The following KIRREL1 variants were observed in gnomAD, a reference collection of about 807,000 sequenced individuals.
The protein encoded by KIRREL1 is kirre like nephrin family adhesion molecule 1.
In KIRREL1, 25 loss-of-function variants were observed where a neutral mutation model predicts 83.3. That is an observed-to-expected ratio of 0.30 (90% CI 0.22 to 0.42). KIRREL1 has a LOEUF of 0.42. Among genes scored for constraint, KIRREL1 ranks in the 10% least tolerant of loss-of-function variants. The pLI, the probability that KIRREL1 is intolerant of heterozygous loss-of-function variation, is 1.00. For synonymous variants in KIRREL1, 388 were observed against 410.4 expected, an observed-to-expected ratio of 0.95 and a Z score of 0.66; for missense variants, 812 against 1,032.3, an observed-to-expected ratio of 0.79 and a Z score of 2.92.
At chr1:158,019,154 C>T (rs1025697887) in intron 1 of KIRREL1, among the ~76,000 whole-genome samples, 2 of 151,908 alleles carry the variant, frequency 1.3e-5, no homozygotes, top group African/African-American at 2.4e-5. Context: ...GGGCACAAAT[C>T]GAATAAGTCA....
Position 158,086,629 on chromosome 1 carries a change from G to A in KIRREL1, c.544G>A (p.Val182Met), listed in dbSNP as rs1207562323. ...GAAGGATGGGAAGAGGGAGACCACC[G>A]TGAGCCAACTGCTTATTAACCCCAC... ...LLKDGKRETT[V>M]SQLLINPTDL... Residue 182 changes from valine (V) to methionine (M), a missense_variant, in exon 5 of 15, where the codon GTG (valine) becomes ATG (methionine). By Grantham distance (21) the Val-to-Met change is conservative. Transcript: ENST00000359209. The A allele has an allele frequency of 1.3e-5, 20 of 1,551,918 alleles. No homozygotes were observed. The highest frequency in any genetic ancestry group is 1.7e-4 in the Middle Eastern group (1 of 6,020).
intron 1 of KIRREL1, among the ~76,000 whole-genome samples, chr1:158,033,729 C>T (rs772008124): frequency 6.6e-6 from 1 of 152,138 alleles, no homozygotes; most frequent in African/African-American, 2.4e-5. Context: ...ATCTGTAATC[C>T]CAGCACTTTG....
At chr1:157,994,083 C>T (rs1273555962) in intron 1 of KIRREL1, among the ~76,000 whole-genome samples, 4 of 152,208 alleles carry the variant, frequency 2.6e-5, no homozygotes, top group African/African-American at 9.6e-5. Flanking sequence ...GCCGGGGTTC[C>T]GGACGCCTGA....
chr1:158,084,986 C>T (rs1661976257), intron 4 of KIRREL1, among the ~76,000 whole-genome samples: 1 of 152,184 alleles, frequency 6.6e-6, no homozygotes, highest in South Asian at 2.1e-4. Context: ...GGTCACACAG[C>T]TGGCACAGAG....
intron 1 of KIRREL1, among the ~76,000 whole-genome samples, chr1:157,998,725 G>T (rs530070110): frequency 4.6e-5 from 7 of 152,288 alleles, no homozygotes; most frequent in African/African-American, 1.4e-4. Flanking sequence ...GGAGGCTAGG[G>T]TCTTAGATGG....
intron 3 of KIRREL1, among the ~76,000 whole-genome samples, chr1:158,079,237 AG>A (rs1661776730): frequency 6.6e-6 from 1 of 152,162 alleles, no homozygotes; most frequent in Non-Finnish European, 1.5e-5. Flanking sequence ...GGAGCCCCCA[AG>A]ATGGATGGGA....
intron 10 of KIRREL1, among the ~76,000 whole-genome samples, chr1:158,090,582 G>C (rs1005752211): frequency 1.3e-5 from 2 of 152,180 alleles, no homozygotes; most frequent in Admixed American, 6.5e-5. Context: ...AAAGGAGCCA[G>C]TTCTCGGCTG....
chr1:158,077,649 C>T (rs1489012472), intron 2 of KIRREL1, among the ~76,000 whole-genome samples: 5 of 152,202 alleles, frequency 3.3e-5, no homozygotes, highest in East Asian at 3.8e-4. Flanking sequence ...CCCACACACT[C>T]GCTCTCCCTC....
intron 1 of KIRREL1, among the ~76,000 whole-genome samples, chr1:158,039,781 G>C (rs1380922217): frequency 6.6e-6 from 1 of 152,178 alleles, no homozygotes; most frequent in South Asian, 2.1e-4. Context: ...TTTCCAAATG[G>C]CCTAGATGTT....
In KIRREL1 at chr1:158,079,530, A is replaced by G. The variant is rs1303975885; in HGVS notation, c.352+1390A>G. 2.0e-5 allele frequency among the ~76,000 whole-genome samples: 3 copies of G among 152,358 alleles called. No individual in the cohort carries two copies. The East Asian group carries it at 5.8e-4, about 29-fold the overall frequency. Reference sequence around the variant, plus strand: ...GAGACGGTGTTTCACCATGTTGGCCAGGCTGGTCTCGAAATCCTTACCTCA... The same window carrying G: ...GAGACGGTGTTTCACCATGTTGGCCGGGCTGGTCTCGAAATCCTTACCTCA... On this transcript the variant is annotated intron_variant, in intron 3 of 14. Transcript: ENST00000359209.
At position 158,096,739 on chromosome 1, in the gene KIRREL1, C is replaced by A. The variant is rs919395528; in HGVS notation, c.*1619C>A. The A allele has an allele frequency of 6.6e-6, 3 of 456,732 alleles. No individual in the cohort carries two copies. The highest frequency in any genetic ancestry group is 3.3e-4 in the Middle Eastern group (1 of 3,076). The allele number at this position is 456,732 out of a possible 1,614,324, so 28.3% of individuals were successfully genotyped here. ...AAGAGAACAGGCGCTCCAAGGAGAA[C>A]CTGTACCCCTGCCCCAGCCTCGCCT... On this transcript the variant is annotated 3_prime_UTR_variant, in exon 15 of 15. Coordinates refer to ENST00000359209, the MANE Select transcript of KIRREL1 (RefSeq NM_018240.7).
At chr1:158,065,275 C>T (rs530809312) in intron 1 of KIRREL1, among the ~76,000 whole-genome samples, 1 of 152,266 alleles carries the variant, frequency 6.6e-6, no homozygotes, top group African/African-American at 2.4e-5. Flanking sequence ...TGCGGGGACC[C>T]AGGCACCATT....
At chr1:157,995,548 G>A (rs1289351852) in intron 1 of KIRREL1, among the ~76,000 whole-genome samples, 4 of 152,166 alleles carry the variant, frequency 2.6e-5, no homozygotes, top group African/African-American at 9.7e-5. Flanking sequence ...GGTCTATGTT[G>A]GGGGCAAGCT....
chr1:158,094,937 G>A lies in KIRREL1; in HGVS notation c.2091G>A (p.Gly697=), dbSNP rs1662313421. The A allele has an allele frequency of 6.2e-7, 1 of 1,613,790 alleles. No individual in the cohort carries two copies. The highest frequency in any genetic ancestry group is 1.3e-5 in the African/African-American group (1 of 74,854). ...YEKFNSHPFP[G]AAGYPTYRLG... ...AGTTCAACTCCCATCCCTTCCCTGG[G>A]GCAGCTGGGTACCCCACCTACCGAC... Residue 697 remains glycine, a synonymous_variant, in exon 15 of 15, where the codon GGG becomes GGA. Coordinates refer to ENST00000359209, the MANE Select transcript of KIRREL1 (RefSeq NM_018240.7). The surrounding 1 kb of genome is among the most constrained non-coding windows in gnomAD (Gnocchi z 4.6).
chr1:158,089,668 C>T, intron 9 of KIRREL1, 40 bp downstream of exon 9: 6 of 1,613,810 alleles, frequency 3.7e-6, no homozygotes, highest in Non-Finnish European at 4.2e-6. Flanking sequence ...CCTGGGCGGG[C>T]TGGTACTGCA....
intron 1 of KIRREL1, among the ~76,000 whole-genome samples, chr1:158,073,372 C>T (rs182323838): frequency 6.6e-6 from 1 of 152,260 alleles, no homozygotes; most frequent in East Asian, 1.9e-4. Context: ...TTCCAGTTGT[C>T]CCTCTAATTG....
At chr1:158,004,429 C>T (rs1000769938) in intron 1 of KIRREL1, among the ~76,000 whole-genome samples, 2 of 152,102 alleles carry the variant, frequency 1.3e-5, no homozygotes, top group African/African-American at 4.8e-5. Flanking sequence ...CTCTGGGGTT[C>T]AGTGCAGTGG....
In KIRREL1 at chr1:158,088,121, A is replaced by G; in HGVS notation, c.883A>G (p.Ser295Gly). The G allele has an allele frequency of 6.2e-7, 1 of 1,614,212 alleles. No homozygotes were observed. The highest frequency in any genetic ancestry group is 8.5e-7 in the Non-Finnish European group (1 of 1,180,042). The stretch of plus-strand genomic sequence containing the variant: ...TTGTGAGGTTCACAACAAAGTGGGA[A>G]GCACCAATGTCAGCACTTTAGTAAA... ...VSCEVHNKVGSTNVSTLVNVH... is the reference protein window; with the variant it reads ...VSCEVHNKVGGTNVSTLVNVH... Residue 295 changes from serine (S) to glycine (G), a missense_variant, in exon 7 of 15, where the codon AGC (serine) becomes GGC (glycine). By Grantham distance (56) the Ser-to-Gly change is moderately conservative. Coordinates refer to ENST00000359209, the MANE Select transcript of KIRREL1 (RefSeq NM_018240.7).
At chr1:158,082,665 A>G (rs1661897820) in intron 3 of KIRREL1, among the ~76,000 whole-genome samples, 1 of 152,144 alleles carries the variant, frequency 6.6e-6, no homozygotes, top group Non-Finnish European at 1.5e-5. Context: ...TCCCAGAAAG[A>G]AGCAAACAAA....
Sources: gnomAD v4.1 joint callset for allele counts (sites outside exome capture counted in the v4.1 genomes callset) on GRCh38, gnomAD v4.1.1 for gene constraint, Gnocchi (gnomAD v3.1) non-coding constraint, MANE v1.5 for transcripts, NCBI Gene and HGNC (gene_info 2026-07-23, HGNC 2026-07-21) for gene names.